The following XIRP2 variants were observed in gnomAD, a reference collection of about 807,000 sequenced individuals.
The protein encoded by XIRP2 is xin actin binding repeat containing 2.
In XIRP2, 236 loss-of-function variants were observed where a neutral mutation model predicts 277.0. The observed-to-expected ratio is 0.85, with a 90% CI of 0.77 to 0.95. XIRP2 has a LOEUF of 0.95. XIRP2 is among the 40% of genes least tolerant of loss of function. XIRP2 has a pLI of 0.00. For synonymous variants in XIRP2, 1,490 were observed against 1,416.5 expected (o/e 1.05, Z -1.17); for missense variants, 4,640 against 4,157.5 (o/e 1.12, Z -3.19).
chr2:167,178,871 T>C (rs7600229), intron 3 of XIRP2, among the ~76,000 whole-genome samples: 15,036 of 152,234 alleles, frequency 0.099, 797 homozygotes, highest in South Asian at 0.16. Flanking sequence ...ATATCTAGCA[T>C]AGCACTTCAC....
intron 3 of XIRP2, among the ~76,000 whole-genome samples, chr2:167,203,030 C>A (rs1241303606): frequency 2.6e-5 from 4 of 152,190 alleles, no homozygotes; most frequent in Non-Finnish European, 5.9e-5. Context: ...TCTCAATGCT[C>A]CTGACTCCCT....
At chr2:167,205,556 T>G (rs956122777) in intron 3 of XIRP2, among the ~76,000 whole-genome samples, 3 of 152,126 alleles carry the variant, frequency 2.0e-5, no homozygotes, top group Non-Finnish European at 4.4e-5. Context: ...TCCAGCTTCA[T>G]AGTGGGATGG....
At chr2:166,949,227 C>T (rs151301207) in intron 2 of XIRP2, among the ~76,000 whole-genome samples, 5 of 151,998 alleles carry the variant, frequency 3.3e-5, no homozygotes, top group Non-Finnish European at 5.9e-5. Context: ...CACAGTATAG[C>T]GATTCAAGAG....
At chr2:167,009,903 G>C (rs1055595461) in intron 2 of XIRP2, among the ~76,000 whole-genome samples, 1 of 152,030 alleles carries the variant, frequency 6.6e-6, no homozygotes. Context: ...CCCACTTTTT[G>C]ATGGGGTTCT....
intron 3 of XIRP2, among the ~76,000 whole-genome samples, chr2:167,164,284 CA>C (rs368415759): frequency 9.5e-4 from 135 of 141,758 alleles, no homozygotes; most frequent in Admixed American, 1.1e-3. Flanking sequence ...ACTAAAAATA[CA>C]AAAAAAAAAA....
At chr2:166,963,255 T>A (rs1232794470) in intron 2 of XIRP2, among the ~76,000 whole-genome samples, 1 of 151,738 alleles carries the variant, frequency 6.6e-6, no homozygotes, top group African/African-American at 2.4e-5. Context: ...TAGCAGTGGA[T>A]ACATATATGA....
intron 2 of XIRP2, among the ~76,000 whole-genome samples, chr2:166,917,386 A>G (rs1451050958): frequency 6.6e-6 from 1 of 152,170 alleles, no homozygotes. Context: ...CATTTTATGC[A>G]GCTTTTTCTT....
At position 167,036,340 on chromosome 2, in the gene XIRP2, C is replaced by T. The variant is rs116856247; in HGVS notation, c.409-99569C>T. On this transcript the variant is annotated intron_variant, in intron 2 of 10. Transcript: ENST00000409195. ...AGGGAGGCTGTACCCTGCAAAAGCA[C>T]AGGGATAGAGCTCCCCAAGACCATG... Among the ~76,000 whole-genome samples, 918 of 152,120 alleles carry T rather than the reference C, an allele frequency of 6.0e-3. 77 individuals carry two copies. In the East Asian group the frequency reaches 0.16, roughly 26 times the overall value.
At chr2:167,056,484 C>T (rs2105543770) in intron 2 of XIRP2, among the ~76,000 whole-genome samples, 1 of 152,122 alleles carries the variant, frequency 6.6e-6, no homozygotes, top group Admixed American at 6.5e-5. Context: ...ATTAGAAGTT[C>T]CCAGTTTATG....
chr2:167,244,489 A>G lies in XIRP2; in HGVS notation c.3097A>G (p.Ile1033Val). ...GCCCATTGACCAGTTTGATGAAAGC[A>G]TTCATAAATTTCAAATAATTAGAGG... ...TRPIDQFDES[I>V]HKFQIIRGIS... The change falls in exon 9 of 11, where the codon ATT becomes GTT. Residue 1033 changes from isoleucine to valine, a missense_variant. Transcript: ENST00000409195. The G allele has an allele frequency of 1.2e-6, 2 of 1,613,786 alleles. No homozygotes were observed. Among genetic ancestry groups the G allele is most frequent in the Non-Finnish European group, 1.7e-6 (2 of 1,179,828 alleles).
chr2:167,064,746 C>T (rs952506591), intron 2 of XIRP2, among the ~76,000 whole-genome samples: 2 of 151,896 alleles, frequency 1.3e-5, no homozygotes, highest in African/African-American at 4.8e-5. Flanking sequence ...GAAGTGAGGT[C>T]ACACAGCATT....
chr2:167,026,885 G>A (rs929573549), intron 2 of XIRP2, among the ~76,000 whole-genome samples: 2 of 152,050 alleles, frequency 1.3e-5, no homozygotes, highest in African/African-American at 4.8e-5. Context: ...CTGTTATTCT[G>A]ACGGGCTTCC....
chr2:167,243,105 G>A lies in XIRP2; in HGVS notation c.1713G>A (p.Lys571=). The change falls in exon 9 of 11, where the codon AAG becomes AAA. Residue 571 remains lysine, a synonymous_variant. Transcript: ENST00000409195. ...REYLEWDEIL[K]GEVQSIRWIF... ...ACTTGGAATGGGATGAAATTCTGAA[G>A]GGAGAGGTGCAGTCCATTAGATGGA... 6.2e-7 allele frequency: 1 copy of A among 1,614,102 alleles called. No individual in the cohort carries two copies. Among genetic ancestry groups the A allele is most frequent in the Non-Finnish European group, 8.5e-7 (1 of 1,179,990 alleles).
chr2:167,231,981 C>A (rs762457633), intron 5 of XIRP2, among the ~76,000 whole-genome samples: 80 of 152,080 alleles, frequency 5.3e-4, no homozygotes, highest in African/African-American at 1.8e-3. Flanking sequence ...TCCTCCTAGT[C>A]TTATTCTCCA....
chr2:167,087,297 C>G (rs530776122), intron 2 of XIRP2, among the ~76,000 whole-genome samples: 2 of 151,712 alleles, frequency 1.3e-5, no homozygotes, highest in Non-Finnish European at 2.9e-5. Flanking sequence ...GCAGTCTGCC[C>G]GTTCTCAGAT....
intron 2 of XIRP2, among the ~76,000 whole-genome samples, chr2:167,046,963 TTTAAAAACACTATTC>T (rs754335255): frequency 4.0e-4 from 61 of 151,998 alleles, no homozygotes; most frequent in Non-Finnish European, 8.4e-4. Context: ...TTTCATAAAT[TTTAAAAACACTATTC>T]TCCAACATTA....
At chr2:166,981,509 C>T (rs1027816580) in intron 2 of XIRP2, among the ~76,000 whole-genome samples, 1 of 152,106 alleles carries the variant, frequency 6.6e-6, no homozygotes, top group East Asian at 1.9e-4. Flanking sequence ...ACAACCTCCA[C>T]CTCCCGGGTT....
At chr2:166,897,429 A>G (rs2105330814) in intron 1 of XIRP2, among the ~76,000 whole-genome samples, 1 of 152,254 alleles carries the variant, frequency 6.6e-6, no homozygotes. Flanking sequence ...CACCATCGAC[A>G]ATACTGAAAA....
chr2:167,068,257 A>G (rs113736014), intron 2 of XIRP2, among the ~76,000 whole-genome samples: 43 of 152,286 alleles, frequency 2.8e-4, no homozygotes, highest in African/African-American at 9.9e-4. Flanking sequence ...AAACAAAAAA[A>G]CAAACAAACA....
Sources: gnomAD v4.1 joint callset for allele counts (sites outside exome capture counted in the v4.1 genomes callset) on GRCh38, gnomAD v4.1.1 for gene constraint, MANE v1.5 for transcripts, NCBI Gene and HGNC (gene_info 2026-07-23, HGNC 2026-07-21) for gene names.